Variants in ZCCHC14 observed in about 807,000 individuals in gnomAD.
The protein encoded by ZCCHC14 is zinc finger CCHC domain-containing protein 14.
A neutral mutation model predicts 85.0 loss-of-function variants in ZCCHC14; 16 were observed. That is an observed-to-expected ratio of 0.19 (90% CI 0.13 to 0.29). The LOEUF is 0.29. Among genes scored for constraint, ZCCHC14 ranks in the 10% least tolerant of loss-of-function variants. The pLI is 1.00. For synonymous variants in ZCCHC14, 775 were observed against 630.7 expected (o/e 1.23, Z -3.43); for missense variants, 1,303 against 1,443.5 (o/e 0.90, Z 1.58).
intron 2 of ZCCHC14, among the ~76,000 whole-genome samples, chr16:87,446,402 C>G (rs1323606379): frequency 6.6e-6 from 1 of 151,038 alleles, no homozygotes; most frequent in African/African-American, 2.4e-5. Context: ...GAGAATCACT[C>G]GAACCTGGAA....
intron 3 of ZCCHC14, among the ~76,000 whole-genome samples, chr16:87,427,584 T>C (rs1473073098): frequency 2.6e-5 from 4 of 152,126 alleles, no homozygotes; most frequent in African/African-American, 9.7e-5. Flanking sequence ...TAAAATAACG[T>C]CTGGGTGACT....
chr16:87,471,462 T>C (rs1911770431), intron 1 of ZCCHC14: 1 of 152,266 alleles, frequency 6.6e-6, no homozygotes, highest in African/African-American at 2.4e-5. Flanking sequence ...AGATTACTGC[T>C]TAAAATCTCA....
chr16:87,410,822 C>T (rs372178602), intron 12 of ZCCHC14, among the ~76,000 whole-genome samples: 5 of 152,198 alleles, frequency 3.3e-5, no homozygotes, highest in African/African-American at 9.7e-5. Context: ...CGTGATGTTA[C>T]AGGCAGGTCT....
chr16:87,437,879 G>C (rs1406156959), intron 2 of ZCCHC14, among the ~76,000 whole-genome samples: 1 of 152,218 alleles, frequency 6.6e-6, no homozygotes, highest in Non-Finnish European at 1.5e-5. Flanking sequence ...AATAAGAATG[G>C]TGATGTCCAA....
intron 7 of ZCCHC14, 191 bp from the exon 8 acceptor site, chr16:87,417,933 G>C: frequency 1.6e-6 from 1 of 641,006 alleles, no homozygotes; most frequent in East Asian, 2.8e-5. Context: ...CCTTTCTGCA[G>C]CTAAGATTTC....
At chr16:87,446,189 T>TAA (rs905059257) in intron 2 of ZCCHC14, among the ~76,000 whole-genome samples, 1 of 143,972 alleles carries the variant, frequency 6.9e-6, no homozygotes, top group Non-Finnish European at 1.5e-5. Flanking sequence ...AAAAAAGACT[T>TAA]AAAAAAAAAA....
chr16:87,434,252 C>T (rs1909802896), intron 2 of ZCCHC14, among the ~76,000 whole-genome samples: 2 of 152,230 alleles, frequency 1.3e-5, no homozygotes, highest in African/African-American at 2.4e-5. Flanking sequence ...CAAAATAAAA[C>T]AGCCGCGTAT....
In ZCCHC14 at chr16:87,413,048, C is replaced by T. The variant is rs746126160; in HGVS notation, c.1744+7G>A. On this transcript the variant is annotated splice_region_variant and intron_variant, in intron 11 of 12. Coordinates refer to ENST00000671377, the MANE Select transcript of ZCCHC14 (RefSeq NM_015144.3). Reference sequence around the variant, plus strand: ...AGGTCGAGCCAGCGCCGCGCACGTGCCCTTACGTCTGTCATTCTCCTCAGC... The same window carrying T: ...AGGTCGAGCCAGCGCCGCGCACGTGTCCTTACGTCTGTCATTCTCCTCAGC... 1.9e-5 allele frequency: 30 copies of T among 1,614,072 alleles called. No homozygotes were observed. The highest frequency in any genetic ancestry group is 2.5e-5 in the Non-Finnish European group (29 of 1,180,042).
intron 1 of ZCCHC14, among the ~76,000 whole-genome samples, chr16:87,480,380 G>A (rs1205342965): frequency 6.6e-6 from 1 of 152,096 alleles, no homozygotes; most frequent in Non-Finnish European, 1.5e-5. Flanking sequence ...TCCAGCCTGG[G>A]CGACAGAGCG....
At chr16:87,433,241 T>A in intron 2 of ZCCHC14, 40 bp from the exon 3 acceptor site, 1 of 1,565,400 alleles carries the variant, frequency 6.4e-7, no homozygotes, top group Non-Finnish European at 8.8e-7. Flanking sequence ...AAATAAGAGC[T>A]TGAAGTATAT....
chr16:87,483,489 T>C (rs1393011033), intron 1 of ZCCHC14, among the ~76,000 whole-genome samples: 1 of 151,012 alleles, frequency 6.6e-6, no homozygotes, highest in African/African-American at 2.4e-5. Flanking sequence ...AGACTCTGTC[T>C]CAAATAAAGT....
intron 1 of ZCCHC14, among the ~76,000 whole-genome samples, chr16:87,484,310 C>T (rs1912417451): frequency 6.6e-6 from 1 of 152,218 alleles, no homozygotes; most frequent in Non-Finnish European, 1.5e-5. Context: ...GCCTCTGGCA[C>T]TTTTCCATTT....
At chr16:87,431,370 G>C (rs1237900219) in intron 3 of ZCCHC14, among the ~76,000 whole-genome samples, 1 of 151,480 alleles carries the variant, frequency 6.6e-6, no homozygotes, top group Admixed American at 6.6e-5. Flanking sequence ...CTACTCAGGA[G>C]GCTGAGGCAG....
chr16:87,417,924 C>G (rs566161044), intron 7 of ZCCHC14, 182 bp from the exon 8 acceptor site: 3 of 656,066 alleles, frequency 4.6e-6, no homozygotes, highest in South Asian at 2.2e-5. Flanking sequence ...CCCCAACCAC[C>G]TTTCTGCAGC....
At chr16:87,479,339 C>T (rs1211145609) in intron 1 of ZCCHC14, among the ~76,000 whole-genome samples, 1 of 151,712 alleles carries the variant, frequency 6.6e-6, no homozygotes. Context: ...TCGCTTGAAC[C>T]CGGGAGACAG....
intron 2 of ZCCHC14, among the ~76,000 whole-genome samples, chr16:87,453,372 G>C (rs1207279996): frequency 6.6e-6 from 1 of 152,252 alleles, no homozygotes; most frequent in Non-Finnish European, 1.5e-5. Context: ...GGAGCAGGCA[G>C]AACCTGGAGG....
rs1343503828 is a variant in ZCCHC14 at position 87,410,151 on chromosome 16, A to C, written c.*129T>G. 5.4e-6 allele frequency: 3 copies of C among 551,234 alleles called. No homozygotes were observed. Among genetic ancestry groups the C allele is most frequent in the Non-Finnish European group, 9.8e-6 (3 of 306,650 alleles). The allele number at this position is 551,234 out of a possible 1,614,324, so 34.1% of individuals were successfully genotyped here. ...CACTTCTACGCTAGATTTTCTATCC[A>C]GTCTAGGAAAAGTAAAGCACCTTTG... On this transcript the variant is annotated 3_prime_UTR_variant, in exon 13 of 13. Transcript: ENST00000671377.
intron 1 of ZCCHC14, among the ~76,000 whole-genome samples, chr16:87,481,121 G>C (rs1409800514): frequency 5.3e-5 from 8 of 152,160 alleles, no homozygotes; most frequent in African/African-American, 1.9e-4. Context: ...GGCAGACCCA[G>C]GCCAGGGAGA....
At chr16:87,432,204 C>G (rs1397149390) in intron 3 of ZCCHC14, among the ~76,000 whole-genome samples, 1 of 152,108 alleles carries the variant, frequency 6.6e-6, no homozygotes, top group Non-Finnish European at 1.5e-5. Flanking sequence ...AGTCAGCACT[C>G]GATGCACATG....
Sources: allele counts gnomAD v4.1 joint callset (sites outside exome capture counted in the v4.1 genomes callset), GRCh38; gene constraint gnomAD v4.1.1; transcripts MANE v1.5; gene names NCBI Gene and HGNC (gene_info 2026-07-23, HGNC 2026-07-21).